EVC2: variants seen among roughly 807,000 people sequenced by gnomAD.
EVC2 encodes EvC ciliary complex subunit 2.
In EVC2, 148 loss-of-function variants were observed where a neutral mutation model predicts 149.3. That is an observed-to-expected ratio of 0.99 (90% CI 0.87 to 1.14). The LOEUF (loss-of-function observed/expected upper bound fraction) is 1.14. EVC2 is among the 50% of genes most tolerant of loss of function. EVC2 has a pLI of 0.00. For missense variants in EVC2, 1,854 were observed against 1,627.3 expected (o/e 1.14, Z -2.40); for synonymous variants, 776 against 649.9 (o/e 1.19, Z -2.95).
At position 5,679,793 on chromosome 4, in the gene EVC2, G is replaced by T. The variant is rs527734114; in HGVS notation, c.870+1467C>A. ...CATCCCCCGACAGGTCCCAGTGTGT[G>T]ATGTTCCCCTCCCTGTGACTTTATT... On this transcript the variant is annotated intron_variant, in intron 7 of 21. Transcript: ENST00000344408. This position sits in a 1 kb window ranked among gnomAD's most constrained non-coding sequence, Gnocchi z 5.1. 3.8e-4 allele frequency among the ~76,000 whole-genome samples: 58 copies of T among 151,544 alleles called. No homozygotes were observed. The highest frequency in any genetic ancestry group is 6.8e-4 in the Non-Finnish European group (46 of 67,924).
At chr4:5,624,755 A>G (rs1399282136) in intron 13 of EVC2, among the ~76,000 whole-genome samples, 1 of 152,186 alleles carries the variant, frequency 6.6e-6, no homozygotes, top group African/African-American at 2.4e-5. Context: ...GGTGGCAAAG[A>G]TGGGGTATGC....
intron 15 of EVC2, among the ~76,000 whole-genome samples, chr4:5,616,107 G>A (rs1350548526): frequency 2.0e-5 from 3 of 152,178 alleles, no homozygotes; most frequent in Non-Finnish European, 4.4e-5. Context: ...CCCAGGCAGT[G>A]ATGTCAAGCC....
At chr4:5,581,351 A>G (rs1183527633) in intron 17 of EVC2, among the ~76,000 whole-genome samples, 1 of 152,238 alleles carries the variant, frequency 6.6e-6, no homozygotes, top group African/African-American at 2.4e-5. Context: ...GACTTGTTAC[A>G]TTGTTGTGAC....
chr4:5,625,273 T>C lies in EVC2; in HGVS notation c.2046+476A>G, dbSNP rs1716018330. On this transcript the variant is annotated intron_variant, in intron 13 of 21. Transcript: ENST00000344408. This position sits in a 1 kb window ranked among gnomAD's most constrained non-coding sequence, Gnocchi z 4.0. The stretch of plus-strand genomic sequence containing the variant: ...TCTTAGAGTCCCCAAATACATGCCA[T>C]GCGTGCCACTTACTAGATATTTGAC... Among the ~76,000 whole-genome samples the C allele has an allele frequency of 6.6e-6, 1 of 150,710 alleles. No homozygotes were observed. The highest frequency in any genetic ancestry group is 1.5e-5 in the Non-Finnish European group (1 of 67,822).
At chr4:5,529,424 C>T in the EVC2 span, among the ~76,000 whole-genome samples, 3 of 152,142 alleles carry the variant, frequency 2.0e-5, no homozygotes, top group East Asian at 1.9e-4. This position sits in a 1 kb window ranked among gnomAD's most constrained non-coding sequence, Gnocchi z 4.5. Context: ...TTTACCTCCC[C>T]GAAGAATCCT....
At chr4:5,612,426 G>C (rs1325346194) in intron 16 of EVC2, among the ~76,000 whole-genome samples, 1 of 152,150 alleles carries the variant, frequency 6.6e-6, no homozygotes, top group East Asian at 1.9e-4. Flanking sequence ...AAAATGACTA[G>C]TTTTGGCCAA....
At chr4:5,568,676 C>T (rs1207235888) in intron 19 of EVC2, 36 bp from the exon 20 acceptor site, 7 of 1,579,826 alleles carry the variant, frequency 4.4e-6, no homozygotes, top group African/African-American at 4.0e-5. Context: ...AGACCCTCGC[C>T]GCCTCTCAAC....
chr4:5,645,725 A>G (rs116462298), intron 9 of EVC2, among the ~76,000 whole-genome samples: 4,310 of 152,212 alleles, frequency 0.028, 206 homozygotes, highest in African/African-American at 0.098. Flanking sequence ...ATAAATATAC[A>G]TGTGTATGTG....
chr4:5,546,588 A>G (rs1381356501), intron 21 of EVC2, among the ~76,000 whole-genome samples: 1 of 152,092 alleles, frequency 6.6e-6, no homozygotes, highest in East Asian at 1.9e-4. Flanking sequence ...TGGGGCAGGG[A>G]TAGCATTAGG....
At chr4:5,689,773 C>T (rs1205568596) in intron 4 of EVC2, among the ~76,000 whole-genome samples, 1 of 152,214 alleles carries the variant, frequency 6.6e-6, no homozygotes, top group Non-Finnish European at 1.5e-5. Flanking sequence ...ACCCGAGCTG[C>T]TCGTCCGCCT....
intron 11 of EVC2, 31 bp from the exon 12 acceptor site, chr4:5,628,765 T>C (rs1045623605): frequency 3.1e-6 from 5 of 1,588,600 alleles, no homozygotes; most frequent in African/African-American, 2.7e-5. Context: ...CAAGAAAATA[T>C]GCCTAATTAA....
chr4:5,613,957 G>A lies in EVC2; in HGVS notation c.2829+1465C>T, dbSNP rs150765788. The stretch of plus-strand genomic sequence containing the variant: ...GCATTCGTGTTCTGAGAAATACACC[G>A]GCACTAAAATAAAAACAAGCAAAAA... On this transcript the variant is annotated intron_variant, in intron 16 of 21. Coordinates refer to ENST00000344408, the MANE Select transcript of EVC2 (RefSeq NM_147127.5). The surrounding 1 kb of genome is among the most constrained non-coding windows in gnomAD (Gnocchi z 4.6). Among the ~76,000 whole-genome samples the A allele has an allele frequency of 2.0e-4, 31 of 152,124 alleles. No individual in the cohort carries two copies. Among genetic ancestry groups the A allele is most frequent in the African/African-American group, 5.1e-4 (21 of 41,528 alleles).
intron 9 of EVC2, among the ~76,000 whole-genome samples, chr4:5,645,123 T>C (rs2108870243): frequency 6.6e-6 from 1 of 152,322 alleles, no homozygotes; most frequent in East Asian, 1.9e-4. Context: ...ATTCATACTG[T>C]GTGCTTCCTT....
chr4:5,581,372 A>T (rs1303843020), intron 17 of EVC2, among the ~76,000 whole-genome samples: 1 of 152,200 alleles, frequency 6.6e-6, no homozygotes, highest in Non-Finnish European at 1.5e-5. Context: ...CAAAATGCTG[A>T]TTGTGATATG....
chr4:5,691,750 G>A (rs1721136031), intron 3 of EVC2, among the ~76,000 whole-genome samples: 2 of 152,104 alleles, frequency 1.3e-5, no homozygotes, highest in African/African-American at 4.8e-5. Flanking sequence ...CTGGGGGCTG[G>A]GGGCAGCCTC....
the EVC2 span, among the ~76,000 whole-genome samples, chr4:5,536,556 G>A: frequency 2.6e-4 from 39 of 152,072 alleles, no homozygotes; most frequent in Non-Finnish European, 3.5e-4. Flanking sequence ...AGGCCAAGGC[G>A]GGCAGATCAC....
chr4:5,573,729 G>A (rs1722763068), intron 19 of EVC2, among the ~76,000 whole-genome samples: 1 of 152,200 alleles, frequency 6.6e-6, no homozygotes, highest in Non-Finnish European at 1.5e-5. Flanking sequence ...ATTCATTCAG[G>A]AAGCTCGGTG....
rs1223934794 is a variant in EVC2, at chr4:5,613,181, G to A, written c.2829+2241C>T. 1.3e-5 allele frequency among the ~76,000 whole-genome samples: 2 copies of A among 152,110 alleles called. No individual in the cohort carries two copies. Among genetic ancestry groups the A allele is most frequent in the African/African-American group, 4.8e-5 (2 of 41,420 alleles). On this transcript the variant is annotated intron_variant, in intron 16 of 21. Transcript: ENST00000344408. This position sits in a 1 kb window ranked among gnomAD's most constrained non-coding sequence, Gnocchi z 4.6. ...GCTTTCTCAGCCTGGCCTTTGAGCA[G>A]GTTCCTCCACGGGGCTGCTCCCCCA...
intron 16 of EVC2, among the ~76,000 whole-genome samples, chr4:5,608,808 C>T (rs532678682): frequency 1.3e-5 from 2 of 152,258 alleles, no homozygotes; most frequent in Non-Finnish European, 2.9e-5. Context: ...GCTGGGATTA[C>T]AGGCATGAGC....
Sources: gnomAD v4.1 joint callset for allele counts (sites outside exome capture counted in the v4.1 genomes callset) on GRCh38, gnomAD v4.1.1 for gene constraint, Gnocchi (gnomAD v3.1) non-coding constraint, MANE v1.5 for transcripts, NCBI Gene and HGNC (gene_info 2026-07-23, HGNC 2026-07-21) for gene names.